PFKL: variants seen among roughly 807,000 people sequenced by gnomAD.
PFKL encodes phosphofructokinase, liver type, also known as ATP-dependent 6-phosphofructokinase, liver type.
A neutral mutation model predicts 92.1 loss-of-function variants in PFKL; 74 were observed. The ratio of observed to expected loss-of-function variants is 0.80; its 90% CI spans 0.67 to 0.97. The LOEUF is 0.97. PFKL is among the 50% of genes least tolerant of loss of function. The probability of loss-of-function intolerance (pLI) is 0.00; values close to 1 mark genes in which losing one functional copy is unlikely to be tolerated. For missense variants in PFKL, 1,028 were observed against 1,116.6 expected (o/e 0.92, Z 1.13); for synonymous variants, 494 against 456.4 (o/e 1.08, Z -1.05).
chr21:44,302,066 C>T (rs1394164571), intron 1 of PFKL, among the ~76,000 whole-genome samples: 1 of 152,194 alleles, frequency 6.6e-6, no homozygotes, highest in East Asian at 1.9e-4. Flanking sequence ...GCTGGGTGGG[C>T]CTCCCATCTC....
rs143273237 is a variant in PFKL, at chr21:44,321,734, C to T, written c.1197C>T (p.Asn399=). Residue 399 remains asparagine, a synonymous_variant, in exon 13 of 22, where the codon AAC becomes AAT. Transcript: ENST00000349048. ...ATCTCCCCTTCTCTCTGAAGTCTAA[C>T]TTCTCCCTGGCCATCCTGAATGTGG... The part of the protein sequence containing the change: ...AHQKPPKEKS[N]FSLAILNVGA... 2.6e-6 allele frequency: 4 copies of T among 1,568,254 alleles called. No homozygotes were observed. The African/African-American group carries it at 4.1e-5, about 16-fold the overall frequency.
intron 14 of PFKL, 24 bp from the exon 15 acceptor site, chr21:44,322,938 A>G: frequency 6.4e-7 from 1 of 1,571,928 alleles, no homozygotes; most frequent in African/African-American, 1.3e-5. Flanking sequence ...CTGCGTGTTC[A>G]TGCGGATGTG....
chr21:44,321,167 G>A (rs2047344864), intron 12 of PFKL: 1 of 152,340 alleles, frequency 6.6e-6, no homozygotes, highest in South Asian at 2.1e-4. Context: ...TGTGCTGCAC[G>A]TGACAGGTGC....
intron 14 of PFKL, among the ~76,000 whole-genome samples, chr21:44,322,413 C>T (rs184151905): frequency 2.0e-4 from 31 of 152,294 alleles, no homozygotes; most frequent in African/African-American, 6.0e-4. Context: ...TCTGGCGGCC[C>T]CATGCCCATG....
At chr21:44,321,194 C>T (rs2146005159) in intron 12 of PFKL, 1 of 152,596 alleles carries the variant, frequency 6.6e-6, no homozygotes, top group African/African-American at 2.4e-5. Context: ...GGTTCAGAGC[C>T]TCAGCACGGT....
chr21:44,303,402 C>A (rs1346675362), intron 1 of PFKL, among the ~76,000 whole-genome samples: 1 of 70,648 alleles, frequency 1.4e-5, no homozygotes, highest in African/African-American at 8.7e-5. Context: ...CAGAACGAGA[C>A]TCTGTCTCAA....
chr21:44,318,528 C>T lies in PFKL; in HGVS notation c.995C>T (p.Pro332Leu), dbSNP rs369155274. Reference protein sequence around the residue: ...MALLEATPDTPACVVTLSGNQ... With the variant: ...MALLEATPDTLACVVTLSGNQ... Reference sequence around the variant, plus strand: ...CTGCTGGAAGCCACGCCTGACACGCCGGCCTGCGTGGTCACCCTCTCGGGG... The same window carrying T: ...CTGCTGGAAGCCACGCCTGACACGCTGGCCTGCGTGGTCACCCTCTCGGGG... Residue 332 changes from proline (P) to leucine (L), a missense_variant, in exon 10 of 22, where the codon CCG becomes CTG. By Grantham distance (98) the Pro-to-Leu change is moderately conservative. Coordinates refer to ENST00000349048, the MANE Select transcript of PFKL (RefSeq NM_002626.6). 96 of 1,576,694 alleles carry T rather than the reference C, an allele frequency of 6.1e-5. No individual in the cohort carries two copies. The African/African-American group carries it at 6.7e-4, about 11-fold the overall frequency.
intron 7 of PFKL, chr21:44,314,497 G>C (rs1390802993): frequency 2.6e-5 from 4 of 156,360 alleles, no homozygotes; most frequent in African/African-American, 7.2e-5. Flanking sequence ...AAGATGTGTC[G>C]GAACGTGGCT....
chr21:44,305,536 C>A, intron 1 of PFKL: 2 of 965,752 alleles, frequency 2.1e-6, no homozygotes, highest in Non-Finnish European at 2.8e-6. Context: ...GGTATGGGTG[C>A]TGGGAGGGAG....
intron 2 of PFKL, 98 bp downstream of exon 2, chr21:44,306,852 G>C (rs777441447): frequency 1.3e-4 from 147 of 1,104,322 alleles, no homozygotes; most frequent in Non-Finnish European, 1.9e-4. Context: ...AGACGGGGTG[G>C]TCCTGGCCTG....
rs369172463 is a variant in PFKL, at chr21:44,311,062, C to T, written c.216C>T (p.Ser72=). The stretch of plus-strand genomic sequence containing the variant: ...ACATCAAGCAGGCCAACTGGCTGAG[C>T]GTCTCCAACATCATCCAGCTGGTGA... The part of the protein sequence containing the change: ...GENIKQANWL[S]VSNIIQLGGT... The change falls in exon 3 of 22, where the codon AGC becomes AGT. Residue 72 remains serine (S), a synonymous_variant. Transcript: ENST00000349048. 17 of 1,612,716 alleles carry T rather than the reference C, an allele frequency of 1.1e-5. No individual in the cohort carries two copies. Among genetic ancestry groups the T allele is most frequent in the South Asian group, 1.1e-5 (1 of 90,942 alleles).
intron 10 of PFKL, among the ~76,000 whole-genome samples, chr21:44,318,999 G>T (rs2047286051): frequency 6.6e-6 from 1 of 152,162 alleles, no homozygotes; most frequent in Non-Finnish European, 1.5e-5. Flanking sequence ...GGGACCCCAG[G>T]AGAGGAGGTA....
At chr21:44,323,683 C>A in intron 15 of PFKL, 83 bp from the exon 16 acceptor site, 1 of 1,442,214 alleles carries the variant, frequency 6.9e-7, no homozygotes, top group Non-Finnish European at 9.4e-7. Context: ...GGGAGCAGGG[C>A]TGGGCGGCCG....
At chr21:44,302,352 G>T (rs2040800860) in intron 1 of PFKL, among the ~76,000 whole-genome samples, 1 of 152,258 alleles carries the variant, frequency 6.6e-6, no homozygotes, top group Non-Finnish European at 1.5e-5. Flanking sequence ...TTCAGGGCTG[G>T]GGCTGATTCA....
chr21:44,323,841 C>T lies in PFKL; in HGVS notation c.1573C>T (p.Pro525Ser), dbSNP rs2047423756. 6.2e-7 allele frequency: 1 copy of T among 1,613,530 alleles called. No homozygotes were observed. The highest frequency in any genetic ancestry group is 8.5e-7 in the Non-Finnish European group (1 of 1,179,958). ...GCTCTGCATCGTCATGTGTGTCATC[C>T]CAGCCACCATCAGCAACAACGTCCC... ...EELCIVMCVI[P>S]ATISNNVPGT... The change falls in exon 16 of 22, where the codon CCA (proline) becomes TCA (serine). Residue 525 changes from proline (P) to serine (S), a missense_variant. Physicochemically the swap from Pro to Ser is moderately conservative, Grantham distance 74. Transcript: ENST00000349048.
At chr21:44,317,662 T>C (rs541045274) in intron 9 of PFKL, among the ~76,000 whole-genome samples, 1 of 152,288 alleles carries the variant, frequency 6.6e-6, no homozygotes, top group African/African-American at 2.4e-5. Flanking sequence ...TCAGCATTCT[T>C]GTGCTCCCTG....
Position 44,326,746 on chromosome 21 carries a change from A to C in PFKL, c.2227A>C (p.Ser743Arg). 6.2e-7 allele frequency: 1 copy of C among 1,611,510 alleles called. No individual in the cohort carries two copies. Among genetic ancestry groups the C allele is most frequent in the Non-Finnish European group, 8.5e-7 (1 of 1,179,470 alleles). ...HRMPREQWWL[S>R]LRLMLKMLAQ... ...CATGCCACGGGAGCAGTGGTGGCTG[A>C]GCCTGCGGCTCATGCTGAAGATGCT... Residue 743 changes from serine (S) to arginine (R), a missense_variant, in exon 22 of 22, where the codon AGC becomes CGC. By Grantham distance (110) the Ser-to-Arg change is moderately radical (BLOSUM62 -1). Transcript: ENST00000349048.
intron 4 of PFKL, 40 bp from the exon 5 acceptor site, chr21:44,312,938 G>C (rs1313906170): frequency 2.5e-6 from 4 of 1,605,840 alleles, no homozygotes; most frequent in South Asian, 1.1e-5. Context: ...GGTGGGGCCA[G>C]TGGAGCCTCA....
At position 44,316,489 on chromosome 21, in the gene PFKL, C is replaced by G; in HGVS notation, c.901C>G (p.Arg301Gly). Residue 301 changes from arginine to glycine, a missense_variant, in exon 9 of 22, where the codon CGG (arginine) becomes GGG (glycine). Transcript: ENST00000349048. ...TRVTVLGHVQ[R>G]GGTPSAFDRI... ...TGTAACTGTGCTGGGCCACGTGCAG[C>G]GGGGAGGGACGCCCTCTGCCTTCGA... The G allele has an allele frequency of 6.2e-7, 1 of 1,605,932 alleles. No homozygotes were observed. The highest frequency in any genetic ancestry group is 8.5e-7 in the Non-Finnish European group (1 of 1,174,954).
Sources: allele counts gnomAD v4.1 joint callset (sites outside exome capture counted in the v4.1 genomes callset), GRCh38; gene constraint gnomAD v4.1.1; transcripts MANE v1.5; gene names NCBI Gene and HGNC (gene_info 2026-07-23, HGNC 2026-07-21).